The following ALK variants were observed in gnomAD, a reference collection of about 807,000 sequenced individuals.
ALK encodes the protein ALK tyrosine kinase receptor.
A neutral mutation model predicts 163.1 loss-of-function variants in ALK; 74 were observed. The observed-to-expected ratio is 0.45, with a 90% CI of 0.38 to 0.55. ALK has a LOEUF of 0.55. Ranked by LOEUF, ALK falls within the 20% of genes least tolerant of loss-of-function variation. The pLI is 0.00. For missense variants in ALK, 2,063 were observed against 2,105.3 expected (o/e 0.98, Z 0.39); for synonymous variants, 960 against 843.2 (o/e 1.14, Z -2.40).
intron 1 of ALK, among the ~76,000 whole-genome samples, chr2:29,876,582 GATGGTGGTA>G (rs1164736413): frequency 3.4e-5 from 5 of 148,188 alleles, no homozygotes; most frequent in African/African-American, 1.3e-4. Context: ...TGGTGGTGGT[GATGGTGGTA>G]ATGGTAATGG....
rs1668907928 is a variant in ALK at position 29,192,952 on chromosome 2, A to C, written c.*272T>G. 4.1e-6 allele frequency: 2 copies of C among 491,048 alleles called. No homozygotes were observed. Among genetic ancestry groups the C allele is most frequent in the South Asian group, 2.1e-5 (1 of 48,010 alleles). The allele number at this position is 491,048 out of a possible 1,614,324, so 30.4% of individuals were successfully genotyped here. A position where few individuals can be genotyped will look rare whatever the true frequency, so the allele number is the denominator to read the frequency against. ...AAAGAAGCATAAGGAAGTATACAACAAACATGCATAAAAACCTTATGCAAC... is the reference window on the plus strand; with the variant it reads ...AAAGAAGCATAAGGAAGTATACAACCAACATGCATAAAAACCTTATGCAAC... On this transcript the variant is annotated 3_prime_UTR_variant, in exon 29 of 29. Transcript: ENST00000389048.
At chr2:29,526,618 T>C (rs906131691) in intron 4 of ALK, among the ~76,000 whole-genome samples, 4 of 152,240 alleles carry the variant, frequency 2.6e-5, no homozygotes, top group African/African-American at 4.8e-5. Flanking sequence ...CCTGAAATCA[T>C]TGTGACACTG....
intron 1 of ALK, among the ~76,000 whole-genome samples, chr2:29,797,928 G>A (rs561830245): frequency 6.6e-6 from 1 of 152,266 alleles, no homozygotes; most frequent in South Asian, 2.1e-4. Flanking sequence ...CAGAAAAGAT[G>A]AAAAGGAGTA....
At chr2:29,792,080 A>G (rs1664203388) in intron 1 of ALK, among the ~76,000 whole-genome samples, 2 of 152,236 alleles carry the variant, frequency 1.3e-5, no homozygotes, top group African/African-American at 2.4e-5. Flanking sequence ...GGAACTTGAA[A>G]AATGATTCTG....
At chr2:29,778,479 T>C (rs1282799474) in intron 1 of ALK, among the ~76,000 whole-genome samples, 1 of 152,188 alleles carries the variant, frequency 6.6e-6, no homozygotes, top group Non-Finnish European at 1.5e-5. Context: ...TGTGCATTCC[T>C]AGATGGTTCA....
At chr2:29,342,103 A>G (rs1218946009) in intron 5 of ALK, among the ~76,000 whole-genome samples, 1 of 152,254 alleles carries the variant, frequency 6.6e-6, no homozygotes, top group Non-Finnish European at 1.5e-5. Context: ...GAAATATACA[A>G]GAAGATGACT....
chr2:29,859,889 G>T lies in ALK; in HGVS notation c.667+60104C>A, dbSNP rs1666235745. ...CATATTGATTGACAATCATGTTCCT[G>T]GTTGAAGTCATAGTAGATTTATAAG... is the stretch of plus-strand genomic sequence containing the variant. On this transcript the variant is annotated intron_variant, in intron 1 of 28. Transcript: ENST00000389048. Among the ~76,000 whole-genome samples the T allele has an allele frequency of 2.0e-5, 3 of 152,312 alleles. No individual in the cohort carries two copies. In the South Asian group the frequency reaches 6.2e-4, roughly 32 times the overall value.
At chr2:29,905,459 A>AT (rs1468857354) in intron 1 of ALK, among the ~76,000 whole-genome samples, 1 of 152,164 alleles carries the variant, frequency 6.6e-6, no homozygotes, top group Non-Finnish European at 1.5e-5. Flanking sequence ...GCTTCATGAC[A>AT]TTTTTCTCCA....
At chr2:29,339,952 G>A (rs554772416) in intron 5 of ALK, among the ~76,000 whole-genome samples, 5 of 152,286 alleles carry the variant, frequency 3.3e-5, no homozygotes, top group East Asian at 3.9e-4. Context: ...TTTTGTGGTC[G>A]GGTTCTCCGA....
chr2:29,784,713 A>AACAAC (rs145281816), intron 1 of ALK, among the ~76,000 whole-genome samples: 2 of 150,852 alleles, frequency 1.3e-5, no homozygotes, highest in South Asian at 2.1e-4. Context: ...ACAACAACAA[A>AACAAC]AACAACAACA....
chr2:29,911,098 T>A (rs1572493937), intron 1 of ALK, among the ~76,000 whole-genome samples: 1 of 152,184 alleles, frequency 6.6e-6, no homozygotes, highest in South Asian at 2.1e-4. Context: ...AAGTCTTCTG[T>A]TTTTACCTCT....
At chr2:29,542,620 A>G (rs6547942) in intron 3 of ALK, among the ~76,000 whole-genome samples, 80,686 of 152,072 alleles carry the variant, frequency 0.53, 21,831 homozygotes, top group Non-Finnish European at 0.59. Context: ...CAGTGTTACT[A>G]AGAAGAAGTC....
At chr2:29,535,987 C>T (rs969630182) in intron 3 of ALK, among the ~76,000 whole-genome samples, 9 of 152,156 alleles carry the variant, frequency 5.9e-5, no homozygotes, top group Non-Finnish European at 1.0e-4. Flanking sequence ...TCCTCTCTCC[C>T]GATTTACACA....
intron 3 of ALK, among the ~76,000 whole-genome samples, chr2:29,580,881 C>T (rs1674669803): frequency 6.6e-6 from 1 of 152,174 alleles, no homozygotes; most frequent in African/African-American, 2.4e-5. Flanking sequence ...GGCTCCTATG[C>T]CCTTCCTGTT....
intron 1 of ALK, among the ~76,000 whole-genome samples, chr2:29,776,179 T>C (rs1157210955): frequency 6.8e-6 from 1 of 146,082 alleles, no homozygotes; most frequent in Non-Finnish European, 1.5e-5. Context: ...TATGTAACCC[T>C]AATATGGAAC....
At chr2:29,545,731 A>C (rs1368570082) in intron 3 of ALK, among the ~76,000 whole-genome samples, 2 of 152,186 alleles carry the variant, frequency 1.3e-5, no homozygotes, top group Non-Finnish European at 2.9e-5. Context: ...CTGCACCTTC[A>C]TTCGGAAGCA....
intron 3 of ALK, among the ~76,000 whole-genome samples, chr2:29,586,054 G>A (rs1286356955): frequency 6.6e-6 from 1 of 152,016 alleles, no homozygotes; most frequent in Admixed American, 6.6e-5. Context: ...AACCTCATTG[G>A]CATTATTGTG....
chr2:29,490,102 A>G (rs989430368), intron 4 of ALK, among the ~76,000 whole-genome samples: 18 of 152,232 alleles, frequency 1.2e-4, no homozygotes, highest in African/African-American at 4.3e-4. Flanking sequence ...GGGACAAAGG[A>G]TTAGAGCTGG....
At chr2:29,561,314 T>G (rs1448255188) in intron 3 of ALK, among the ~76,000 whole-genome samples, 1 of 152,102 alleles carries the variant, frequency 6.6e-6, no homozygotes, top group African/African-American at 2.4e-5. Flanking sequence ...ACCAGCCCCA[T>G]ATGGAAACTG....
Sources: gnomAD v4.1 joint callset for allele counts (sites outside exome capture counted in the v4.1 genomes callset) on GRCh38, gnomAD v4.1.1 for gene constraint, MANE v1.5 for transcripts, NCBI Gene and HGNC (gene_info 2026-07-23, HGNC 2026-07-21) for gene names.